The following PRDM15 variants were observed in gnomAD, a reference collection of about 807,000 sequenced individuals.
PRDM15 encodes the protein PR domain zinc finger protein 15.
Under a neutral mutation model 128.6 loss-of-function variants are expected in PRDM15, and 64 were observed. The ratio of observed to expected loss-of-function variants is 0.50; its 90% CI spans 0.41 to 0.61. The LOEUF is 0.61. Ranked by LOEUF, PRDM15 falls within the 20% of genes least tolerant of loss-of-function variation. The pLI, the probability that PRDM15 is intolerant of heterozygous loss-of-function variation, is 0.00. For missense variants in PRDM15, 1,242 were observed against 1,569.1 expected (o/e 0.79, Z 3.52); for synonymous variants, 615 against 621.8 (o/e 0.99, Z 0.16).
chr21:41,836,775 G>A, intron 8 of PRDM15, 126 bp from the exon 9 acceptor site: 3 of 744,986 alleles, frequency 4.0e-6, no homozygotes, highest in Admixed American at 5.0e-5. Flanking sequence ...CGAGAAAGGA[G>A]GGAATGCGCC....
chr21:41,874,525 A>ATATATATATATTTTTTTTTTTT, intron 1 of PRDM15, among the ~76,000 whole-genome samples: 4 of 95,830 alleles, frequency 4.2e-5, no homozygotes, highest in Non-Finnish European at 6.0e-5. Context: ...ATATATATAT[A>ATATATATATATTTTTTTTTTTT]TTTTTTTTTT....
intron 5 of PRDM15, 148 bp from the exon 6 acceptor site, chr21:41,847,339 A>G: frequency 1.7e-6 from 1 of 587,278 alleles, no homozygotes; most frequent in Non-Finnish European, 3.0e-6. Context: ...ACTCCACATG[A>G]CAGACACCAT....
intron 13 of PRDM15, 58 bp from the exon 14 acceptor site, chr21:41,823,507 T>TGATGGAGAGG: frequency 6.6e-7 from 1 of 1,520,652 alleles, no homozygotes; most frequent in Non-Finnish European, 8.8e-7. Context: ...GGAAGGAGCC[T>TGATGGAGAGG]CTCCATCAGG....
intron 22 of PRDM15, chr21:41,803,147 T>G: frequency 1.7e-6 from 1 of 573,804 alleles, no homozygotes; most frequent in Admixed American, 3.0e-5. Context: ...GCAAGTCATA[T>G]TTTTAAAAGT....
chr21:41,836,346 A>C (rs1462630706), intron 9 of PRDM15, 122 bp downstream of exon 9: 7 of 1,292,304 alleles, frequency 5.4e-6, no homozygotes, highest in Non-Finnish European at 7.6e-6. Flanking sequence ...CCACAAATGC[A>C]GCCTCTCACT....
At position 41,859,397 on chromosome 21, in the gene PRDM15, C is replaced by CCAAA; in HGVS notation, c.131+194_131+195insTTTG. Among the ~76,000 whole-genome samples, 1 of 152,226 alleles carries CCAAA rather than the reference C, an allele frequency of 6.6e-6. No homozygotes were observed. Among genetic ancestry groups the CCAAA allele is most frequent in the Non-Finnish European group, 1.5e-5 (1 of 68,040 alleles). On this transcript the variant is annotated intron_variant, in intron 3 of 23. Coordinates refer to ENST00000398548, the MANE Select transcript of PRDM15 (RefSeq NM_001040424.3). This position sits in a 1 kb window ranked among gnomAD's most constrained non-coding sequence, Gnocchi z 5.3. ...TGGATCAAAGAAACTCACTCTGGAG[C>CCAAA]TTTGAAGCACGTGTTTTGGTGTGTC...
chr21:41,865,203 A>G (rs1178712906), intron 1 of PRDM15, among the ~76,000 whole-genome samples: 3 of 151,152 alleles, frequency 2.0e-5, no homozygotes, highest in African/African-American at 4.9e-5. Flanking sequence ...CCTCTCTGCC[A>G]TGCCTGCTCA....
At chr21:41,869,233 T>G (rs1441366652) in intron 1 of PRDM15, among the ~76,000 whole-genome samples, 1 of 152,142 alleles carries the variant, frequency 6.6e-6, no homozygotes, top group Non-Finnish European at 1.5e-5. Flanking sequence ...TTACCACATC[T>G]AAGACCTCTC....
chr21:41,809,763 T>G (rs1375513348), intron 21 of PRDM15, among the ~76,000 whole-genome samples: 1 of 152,212 alleles, frequency 6.6e-6, no homozygotes, highest in Non-Finnish European at 1.5e-5. Flanking sequence ...AGTTGGGCTC[T>G]GCCTGCGTCT....
intron 13 of PRDM15, among the ~76,000 whole-genome samples, chr21:41,823,884 T>G (rs919398140): frequency 2.6e-5 from 4 of 152,224 alleles, no homozygotes; most frequent in Non-Finnish European, 5.9e-5. Flanking sequence ...TGTCTCTGAT[T>G]TCCTGCTCTT....
At chr21:41,871,666 C>CTG (rs751005578) in intron 1 of PRDM15, 1 of 1,570,400 alleles carries the variant, frequency 6.4e-7, no homozygotes, top group Non-Finnish European at 8.7e-7. Context: ...GAGAAGCCCA[C>CTG]TGTCCCTCTC....
At chr21:41,806,009 CCACCACCATCACCACCA>C (rs2061562344) in intron 21 of PRDM15, among the ~76,000 whole-genome samples, 1 of 55,654 alleles carries the variant, frequency 1.8e-5, no homozygotes, top group Non-Finnish European at 4.0e-5. Flanking sequence ...ACCACCATCA[CCACCACCATCACCACCA>C]CCACCATCAC....
chr21:41,847,317 G>T, intron 5 of PRDM15, 126 bp from the exon 6 acceptor site: 1 of 635,796 alleles, frequency 1.6e-6, no homozygotes, highest in South Asian at 2.0e-5. Flanking sequence ...GGCAGCAGAC[G>T]GGCCTGTGGT....
chr21:41,858,396 G>T (rs1426202694), intron 3 of PRDM15, among the ~76,000 whole-genome samples: 1 of 151,874 alleles, frequency 6.6e-6, no homozygotes, highest in Non-Finnish European at 1.5e-5. Flanking sequence ...AGGCCCCTCC[G>T]ACAGAGGCGG....
rs182131791 is a variant in PRDM15, at chr21:41,861,817, A to C, written c.-9-1445T>G. ...TGAGTTAGCTACAAGGAAGTGAGGCAGAGGAAAGAGAGTTCCAATTTGCCC... is the reference window on the plus strand; with the variant it reads ...TGAGTTAGCTACAAGGAAGTGAGGCCGAGGAAAGAGAGTTCCAATTTGCCC... On this transcript the variant is annotated intron_variant, in intron 1 of 23. Transcript: ENST00000398548. The C allele has an allele frequency of 1.9e-6, 3 of 1,584,872 alleles. No homozygotes were observed. In the East Asian group the frequency reaches 6.7e-5, roughly 36 times the overall value.
intron 18 of PRDM15, among the ~76,000 whole-genome samples, chr21:41,818,248 G>A (rs2062120960): frequency 6.6e-6 from 1 of 152,222 alleles, no homozygotes; most frequent in Non-Finnish European, 1.5e-5. Flanking sequence ...TCCCGCTAAG[G>A]CAGGCAGACA....
At chr21:41,830,035 T>C (rs1410007494) in intron 11 of PRDM15, among the ~76,000 whole-genome samples, 1 of 147,434 alleles carries the variant, frequency 6.8e-6, no homozygotes, top group African/African-American at 2.5e-5. Flanking sequence ...CACAGAAATA[T>C]ACAATCATAC....
intron 11 of PRDM15, among the ~76,000 whole-genome samples, chr21:41,830,987 C>A (rs901126929): frequency 1.3e-5 from 2 of 152,124 alleles, no homozygotes; most frequent in Non-Finnish European, 2.9e-5. Context: ...CAGTTGACGG[C>A]GACCCCGGGG....
intron 4 of PRDM15, among the ~76,000 whole-genome samples, chr21:41,855,545 C>T (rs2063553084): frequency 6.6e-6 from 1 of 152,160 alleles, no homozygotes; most frequent in Non-Finnish European, 1.5e-5. Flanking sequence ...AAGTGAGAGG[C>T]AGGGGTGGGG....
Sources: gnomAD v4.1 joint callset for allele counts (sites outside exome capture counted in the v4.1 genomes callset) on GRCh38, gnomAD v4.1.1 for gene constraint, Gnocchi (gnomAD v3.1) non-coding constraint, MANE v1.5 for transcripts, NCBI Gene and HGNC (gene_info 2026-07-23, HGNC 2026-07-21) for gene names.